Variants in PTPRO observed in about 807,000 individuals in gnomAD.
PTPRO encodes receptor-type tyrosine-protein phosphatase O.
In PTPRO, 62 loss-of-function variants were observed where a neutral mutation model predicts 145.2. The ratio of observed to expected loss-of-function variants is 0.43; its 90% CI spans 0.35 to 0.53. The LOEUF (loss-of-function observed/expected upper bound fraction) is 0.53, where lower values mean the gene tolerates loss of function less well. PTPRO is among the 20% of genes least tolerant of loss of function. The pLI is 0.01. For synonymous variants in PTPRO, 565 were observed against 514.7 expected (o/e 1.10, Z -1.32); for missense variants, 1,345 against 1,482.7 (o/e 0.91, Z 1.53).
At chr12:15,373,543 A>G (rs1028966283) in intron 1 of PTPRO, among the ~76,000 whole-genome samples, 7 of 152,214 alleles carry the variant, frequency 4.6e-5, no homozygotes, top group Admixed American at 4.6e-4. Context: ...TGAATGTAAG[A>G]TATCATCAAG....
chr12:15,581,617 G>T (rs921449194), intron 22 of PTPRO, 62 bp from the exon 23 acceptor site: 62 of 1,576,988 alleles, frequency 3.9e-5, no homozygotes, highest in African/African-American at 6.8e-5. Flanking sequence ...TTCCCTAAGT[G>T]AGCACACTTA....
chr12:15,335,396 T>A (rs1866730748), intron 1 of PTPRO, among the ~76,000 whole-genome samples: 1 of 152,118 alleles, frequency 6.6e-6, no homozygotes, highest in African/African-American at 2.4e-5. Flanking sequence ...AAAAAGGTTT[T>A]TATGAAATGC....
At chr12:15,567,332 A>C (rs1418256354) in intron 18 of PTPRO, among the ~76,000 whole-genome samples, 3 of 151,254 alleles carry the variant, frequency 2.0e-5, no homozygotes, top group African/African-American at 7.3e-5. Flanking sequence ...CCTGGTTCCC[A>C]TTTTCTATCT....
intron 1 of PTPRO, among the ~76,000 whole-genome samples, chr12:15,362,040 TGGA>T (rs1022405798): frequency 3.3e-5 from 5 of 152,216 alleles, no homozygotes; most frequent in Non-Finnish European, 1.5e-5. Context: ...AATTTCTGTG[TGGA>T]GGAGAATAAA....
intron 1 of PTPRO, among the ~76,000 whole-genome samples, chr12:15,454,117 T>A (rs1333635337): frequency 6.6e-6 from 1 of 152,204 alleles, no homozygotes; most frequent in East Asian, 1.9e-4. Flanking sequence ...CTGGATCACA[T>A]GCTATTTCTA....
chr12:15,328,606 G>A (rs1195492414), intron 1 of PTPRO, among the ~76,000 whole-genome samples: 7 of 152,098 alleles, frequency 4.6e-5, no homozygotes, highest in South Asian at 2.1e-4. Context: ...GCTTGAGAGC[G>A]GTATTGCAAA....
intron 1 of PTPRO, among the ~76,000 whole-genome samples, chr12:15,408,653 C>A (rs990580827): frequency 2.0e-5 from 3 of 152,120 alleles, no homozygotes; most frequent in Non-Finnish European, 4.4e-5. Flanking sequence ...GTCTTGAACT[C>A]CTGACCTCAA....
At chr12:15,351,529 C>T (rs770187413) in intron 1 of PTPRO, among the ~76,000 whole-genome samples, 10 of 152,152 alleles carry the variant, frequency 6.6e-5, no homozygotes, top group South Asian at 2.1e-4. Context: ...ACTCTCCTTC[C>T]GAGGTCAGGA....
At chr12:15,422,924 T>A (rs752958070) in intron 1 of PTPRO, among the ~76,000 whole-genome samples, 103 of 152,200 alleles carry the variant, frequency 6.8e-4, no homozygotes, top group Non-Finnish European at 1.2e-3. Context: ...GATTGTCACA[T>A]CTATCAATTT....
intron 7 of PTPRO, among the ~76,000 whole-genome samples, chr12:15,510,411 C>T (rs974892359): frequency 1.3e-5 from 2 of 152,186 alleles, no homozygotes; most frequent in African/African-American, 2.4e-5. Context: ...TTTTCCCCTA[C>T]AGACCTTGAC....
intron 1 of PTPRO, among the ~76,000 whole-genome samples, chr12:15,475,200 T>C (rs1941628166): frequency 6.6e-6 from 1 of 152,246 alleles, no homozygotes; most frequent in Admixed American, 6.5e-5. Flanking sequence ...CCTTCTGTTA[T>C]TGGCTGCTAA....
chr12:15,518,155 C>T (rs1942638602), intron 9 of PTPRO, among the ~76,000 whole-genome samples: 2 of 152,380 alleles, frequency 1.3e-5, no homozygotes, highest in South Asian at 4.1e-4. Flanking sequence ...GACTCCTGTG[C>T]ACCCACAGTC....
At chr12:15,352,345 A>G (rs992124307) in intron 1 of PTPRO, among the ~76,000 whole-genome samples, 1 of 152,178 alleles carries the variant, frequency 6.6e-6, no homozygotes, top group African/African-American at 2.4e-5. Flanking sequence ...AAAGGAAGAG[A>G]CTTAAAGAAA....
intron 1 of PTPRO, among the ~76,000 whole-genome samples, chr12:15,390,739 T>A (rs1484442302): frequency 5.3e-5 from 8 of 152,174 alleles, no homozygotes; most frequent in South Asian, 2.1e-4. Flanking sequence ...TTGGAACTTA[T>A]TAGCACAGCA....
intron 1 of PTPRO, among the ~76,000 whole-genome samples, chr12:15,396,178 T>C (rs925274245): frequency 1.3e-5 from 2 of 152,134 alleles, no homozygotes; most frequent in East Asian, 1.9e-4. Context: ...ATATGTGATG[T>C]GTGTTGTGAA....
chr12:15,409,139 G>A (rs976434573), intron 1 of PTPRO, among the ~76,000 whole-genome samples: 2 of 151,752 alleles, frequency 1.3e-5, no homozygotes, highest in Admixed American at 6.6e-5. Context: ...AACTTTCATC[G>A]GAATCTAAGA....
intron 16 of PTPRO, among the ~76,000 whole-genome samples, chr12:15,559,077 G>A (rs1943710375): frequency 6.6e-6 from 1 of 152,204 alleles, no homozygotes; most frequent in Admixed American, 6.5e-5. Flanking sequence ...TGGGAGATCA[G>A]TGATGAGTGG....
chr12:15,448,354 A>AAAAAAAAAAAAAAAAG (rs1940959735), intron 1 of PTPRO, among the ~76,000 whole-genome samples: 1 of 148,762 alleles, frequency 6.7e-6, no homozygotes, highest in Non-Finnish European at 1.5e-5. Context: ...AAAAAAAAAA[A>AAAAAAAAAAAAAAAAG]AAAAAAGCAC....
At chr12:15,337,820 G>A (rs1591712557) in intron 1 of PTPRO, among the ~76,000 whole-genome samples, 1 of 152,112 alleles carries the variant, frequency 6.6e-6, no homozygotes, top group Non-Finnish European at 1.5e-5. Flanking sequence ...CATCTCAAAA[G>A]GTCTCATTCT....
Sources: allele counts gnomAD v4.1 joint callset (sites outside exome capture counted in the v4.1 genomes callset), GRCh38; gene constraint gnomAD v4.1.1; transcripts MANE v1.5; gene names NCBI Gene and HGNC (gene_info 2026-07-23, HGNC 2026-07-21).